PRKN: variants seen among roughly 807,000 people sequenced by gnomAD.
PRKN encodes parkin RBR E3 ubiquitin protein ligase.
A neutral mutation model predicts 59.5 loss-of-function variants in PRKN; 56 were observed. The observed-to-expected ratio is 0.94, with a 90% CI of 0.76 to 1.18. PRKN has a LOEUF of 1.18. Ranked by LOEUF, PRKN falls within the 50% of genes most tolerant of loss-of-function variation. The pLI, the probability that PRKN is intolerant of heterozygous loss-of-function variation, is 0.00. For synonymous variants in PRKN, 250 were observed against 222.1 expected, an observed-to-expected ratio of 1.13 and a Z score of -1.12; for missense variants, 657 against 596.4, an observed-to-expected ratio of 1.10 and a Z score of -1.06.
intron 4 of PRKN, among the ~76,000 whole-genome samples, chr6:162,126,402 T>C (rs1335180928): frequency 6.6e-6 from 1 of 152,228 alleles, no homozygotes; most frequent in Non-Finnish European, 1.5e-5. Context: ...CGTGGCTGCC[T>C]AAAACTGGCT....
intron 7 of PRKN, among the ~76,000 whole-genome samples, chr6:161,696,065 G>A (rs1217491884): frequency 6.6e-6 from 1 of 152,094 alleles, no homozygotes; most frequent in Non-Finnish European, 1.5e-5. Context: ...CTCCTTAGAA[G>A]AGCGATGAAG....
chr6:162,180,858 A>G (rs1205715677), intron 4 of PRKN, among the ~76,000 whole-genome samples: 1 of 152,192 alleles, frequency 6.6e-6, no homozygotes, highest in East Asian at 1.9e-4. Context: ...ACACAAATGC[A>G]TCCCCATATA....
At chr6:162,447,898 T>C (rs1422472141) in intron 1 of PRKN, among the ~76,000 whole-genome samples, 1 of 152,138 alleles carries the variant, frequency 6.6e-6, no homozygotes, top group Non-Finnish European at 1.5e-5. Flanking sequence ...GTTCCAGTGA[T>C]TGATTCTGCA....
intron 2 of PRKN, among the ~76,000 whole-genome samples, chr6:162,421,873 C>T (rs1435819328): frequency 6.6e-6 from 1 of 152,090 alleles, no homozygotes; most frequent in Non-Finnish European, 1.5e-5. Context: ...AGATATTCTA[C>T]TAAACTATTA....
intron 2 of PRKN, among the ~76,000 whole-genome samples, chr6:162,272,735 T>C (rs372870442): frequency 2.0e-5 from 3 of 152,162 alleles, no homozygotes; most frequent in South Asian, 2.1e-4. Context: ...CGGTGGCTCA[T>C]GCTTGTAATC....
At chr6:162,707,523 A>T (rs2128237955) in intron 1 of PRKN, among the ~76,000 whole-genome samples, 1 of 152,254 alleles carries the variant, frequency 6.6e-6, no homozygotes, top group South Asian at 2.1e-4. Context: ...TATTGATTTT[A>T]AAAATTTCAC....
At chr6:161,980,386 T>C (rs1345769190) in intron 5 of PRKN, among the ~76,000 whole-genome samples, 2 of 152,222 alleles carry the variant, frequency 1.3e-5, no homozygotes, top group Admixed American at 6.5e-5. Context: ...ATAGGGTTTG[T>C]ACTTAACACG....
At chr6:161,759,758 C>T (rs966933773) in intron 7 of PRKN, among the ~76,000 whole-genome samples, 10 of 152,180 alleles carry the variant, frequency 6.6e-5, no homozygotes, top group African/African-American at 2.4e-4. Context: ...ACAGGTTGTA[C>T]AGCCAATGGT....
At chr6:161,902,552 A>ATCTATCTAT (rs1343265664) in intron 6 of PRKN, among the ~76,000 whole-genome samples, 85 of 121,072 alleles carry the variant, frequency 7.0e-4, no homozygotes, top group Middle Eastern at 4.6e-3. Context: ...CTATCTATTT[A>ATCTATCTAT]TTTATTTATT....
At chr6:162,021,186 T>TTATA (rs71004073) in intron 5 of PRKN, among the ~76,000 whole-genome samples, 3 of 100,674 alleles carry the variant, frequency 3.0e-5, no homozygotes, top group Admixed American at 2.3e-4. Flanking sequence ...TGTATATATA[T>TTATA]TATATATATA....
chr6:161,650,139 C>A (rs572654973), intron 7 of PRKN, among the ~76,000 whole-genome samples: 1 of 152,310 alleles, frequency 6.6e-6, no homozygotes, highest in East Asian at 1.9e-4. Context: ...AATTTTGCAA[C>A]AAAGGCAAGC....
intron 7 of PRKN, among the ~76,000 whole-genome samples, chr6:161,613,892 C>T (rs886280582): frequency 2.6e-5 from 4 of 152,228 alleles, no homozygotes; most frequent in African/African-American, 9.6e-5. Context: ...CTCAGCTTCT[C>T]CTCTGCCCAG....
At chr6:161,858,582 C>T (rs1395702564) in intron 6 of PRKN, among the ~76,000 whole-genome samples, 1 of 152,038 alleles carries the variant, frequency 6.6e-6, no homozygotes, top group African/African-American at 2.4e-5. Flanking sequence ...CCCACCCCCA[C>T]CTTCACCTAT....
In PRKN at chr6:162,684,436, G is replaced by A. The variant is rs367775154; in HGVS notation, c.7+43226C>T. 1.2e-4 allele frequency among the ~76,000 whole-genome samples: 19 copies of A among 152,190 alleles called. No homozygotes were observed. In the East Asian group the frequency reaches 2.9e-3, roughly 23 times the overall value. On this transcript the variant is annotated intron_variant, in intron 1 of 11. Transcript: ENST00000366898. ...TAAGATTATTAAATGTTACTTAGAGGTGGGAATTTTATCACCACAGCAATT... is the reference window on the plus strand; with the variant it reads ...TAAGATTATTAAATGTTACTTAGAGATGGGAATTTTATCACCACAGCAATT...
At chr6:161,542,864 T>C (rs954458449) in intron 9 of PRKN, among the ~76,000 whole-genome samples, 10 of 152,192 alleles carry the variant, frequency 6.6e-5, no homozygotes, top group South Asian at 6.2e-4. Context: ...GAAAACATCA[T>C]ATATTTGGAG....
intron 9 of PRKN, among the ~76,000 whole-genome samples, chr6:161,465,467 C>T (rs1199176734): frequency 6.7e-6 from 1 of 149,298 alleles, no homozygotes; most frequent in African/African-American, 2.4e-5. Context: ...TTTTGGGGGC[C>T]TTTCTTTTGG....
At chr6:161,635,778 G>A (rs940937605) in intron 7 of PRKN, among the ~76,000 whole-genome samples, 9 of 152,162 alleles carry the variant, frequency 5.9e-5, no homozygotes, top group African/African-American at 2.2e-4. Flanking sequence ...CGTTGAATTG[G>A]TGGGGGATTA....
intron 4 of PRKN, among the ~76,000 whole-genome samples, chr6:162,170,027 T>C (rs1783197334): frequency 6.6e-6 from 1 of 152,232 alleles, no homozygotes; most frequent in African/African-American, 2.4e-5. Context: ...CATTACAAAG[T>C]GAAATTCACC....
At chr6:162,520,915 C>T (rs1021444561) in intron 1 of PRKN, among the ~76,000 whole-genome samples, 12 of 152,084 alleles carry the variant, frequency 7.9e-5, no homozygotes, top group African/African-American at 2.9e-4. Context: ...TTTAAACATC[C>T]TTAATCTAAA....
Sources: gnomAD v4.1 joint callset for allele counts (sites outside exome capture counted in the v4.1 genomes callset) on GRCh38, gnomAD v4.1.1 for gene constraint, MANE v1.5 for transcripts, NCBI Gene and HGNC (gene_info 2026-07-23, HGNC 2026-07-21) for gene names.